The following LPAR1 variants were observed in gnomAD, a reference collection of about 807,000 sequenced individuals.
LPAR1 encodes LPA receptor 1.
A neutral mutation model predicts 23.8 loss-of-function variants in LPAR1; 5 were observed. The observed-to-expected ratio is 0.21, with a 90% CI of 0.11 to 0.44. The LOEUF (loss-of-function observed/expected upper bound fraction) is 0.44, where lower values mean the gene tolerates loss of function less well. Ranked by LOEUF, LPAR1 falls within the 20% of genes least tolerant of loss-of-function variation. LPAR1 has a pLI of 0.99. For missense variants in LPAR1, 311 were observed against 482.8 expected, an observed-to-expected ratio of 0.64 and a Z score of 3.33; for synonymous variants, 160 against 164.7, an observed-to-expected ratio of 0.97 and a Z score of 0.22.
chr9:110,891,425 C>A (rs569787346), intron 5 of LPAR1, among the ~76,000 whole-genome samples: 22 of 152,070 alleles, frequency 1.4e-4, no homozygotes, highest in Non-Finnish European at 2.2e-4. Context: ...GTATATTAAA[C>A]GCATTTGTGG....
intron 2 of LPAR1, among the ~76,000 whole-genome samples, chr9:110,994,287 GA>G (rs1333367937): frequency 1.3e-5 from 2 of 152,068 alleles, no homozygotes; most frequent in African/African-American, 2.4e-5. Context: ...TAAAAGCCAA[GA>G]AAAAAGTTAG....
intron 5 of LPAR1, among the ~76,000 whole-genome samples, chr9:110,921,716 CTTG>C (rs1422437312): frequency 6.6e-6 from 1 of 152,164 alleles, no homozygotes; most frequent in Non-Finnish European, 1.5e-5. Flanking sequence ...TACAGGTGGT[CTTG>C]TTGTTATAAA....
At chr9:110,981,010 G>A (rs374024640) in intron 2 of LPAR1, among the ~76,000 whole-genome samples, 26 of 151,998 alleles carry the variant, frequency 1.7e-4, no homozygotes, top group African/African-American at 6.3e-4. Context: ...TAATACATAT[G>A]CTGTAAGTAA....
intron 2 of LPAR1, among the ~76,000 whole-genome samples, chr9:111,032,760 C>T (rs1384785681): frequency 6.6e-6 from 1 of 152,114 alleles, no homozygotes; most frequent in Non-Finnish European, 1.5e-5. Context: ...GGGAAACTTG[C>T]TATAACAGGA....
chr9:110,949,995 C>T (rs2095518490), intron 4 of LPAR1, among the ~76,000 whole-genome samples: 1 of 152,154 alleles, frequency 6.6e-6, no homozygotes, highest in African/African-American at 2.4e-5. Context: ...ATTTTTAATA[C>T]ACTTTCATGA....
chr9:110,996,061 C>A (rs962597802), intron 2 of LPAR1, among the ~76,000 whole-genome samples: 2 of 152,092 alleles, frequency 1.3e-5, no homozygotes, highest in Middle Eastern at 3.2e-3. Flanking sequence ...AACCGGAGAC[C>A]TAAAAACAGC....
At chr9:110,967,801 T>C (rs545911796) in intron 4 of LPAR1, among the ~76,000 whole-genome samples, 1 of 152,330 alleles carries the variant, frequency 6.6e-6, no homozygotes, top group South Asian at 2.1e-4. Context: ...AATTTCACTG[T>C]ACAAATTACA....
intron 5 of LPAR1, among the ~76,000 whole-genome samples, chr9:110,920,166 T>C (rs777779873): frequency 1.3e-4 from 20 of 152,188 alleles, no homozygotes; most frequent in Non-Finnish European, 1.9e-4. Context: ...TTCCATGCCA[T>C]TGTGCCCAGA....
At chr9:110,897,179 C>T (rs2086703669) in intron 5 of LPAR1, among the ~76,000 whole-genome samples, 1 of 152,144 alleles carries the variant, frequency 6.6e-6, no homozygotes, top group African/African-American at 2.4e-5. Flanking sequence ...TTGCAGCTCC[C>T]ATAATTCCCA....
In LPAR1 at chr9:110,873,871, G is replaced by A. The variant is rs1404487478; in HGVS notation, c.*1550C>T. ...GTGGCTACCAAGAGCTGGATAACGAGTCCCTCAAACAAAGTTTGGAATTGC... is the reference window on the plus strand; with the variant it reads ...GTGGCTACCAAGAGCTGGATAACGAATCCCTCAAACAAAGTTTGGAATTGC... On this transcript the variant is annotated 3_prime_UTR_variant, in exon 6 of 6. Transcript: ENST00000683809. 1 of 152,244 alleles carries A rather than the reference G, an allele frequency of 6.6e-6. No homozygotes were observed. Among genetic ancestry groups the A allele is most frequent in the Non-Finnish European group, 1.5e-5 (1 of 68,038 alleles). 9.4% of individuals were successfully genotyped at this position (152,244 alleles called of 1,614,324 possible). A position where few individuals can be genotyped will look rare whatever the true frequency, so the allele number is the denominator to read the frequency against.
At position 110,956,667 on chromosome 9, in the gene LPAR1, C is replaced by T. The variant is rs183988271; in HGVS notation, c.46-14499G>A. 1.0e-3 allele frequency among the ~76,000 whole-genome samples: 155 copies of T among 152,044 alleles called. 1 individual carries two copies. Among genetic ancestry groups the T allele is most frequent in the Admixed American group, 2.2e-3 (33 of 15,272 alleles). On this transcript the variant is annotated intron_variant, in intron 4 of 5. Coordinates refer to ENST00000683809, the MANE Select transcript of LPAR1 (RefSeq NM_001351411.2). ...CATCAGACTATTATAAACAACTATA[C>T]GCTAGCAAACTGGAAAACCTAGAGG...
chr9:110,893,956 T>A (rs914110759), intron 5 of LPAR1, among the ~76,000 whole-genome samples: 3 of 152,198 alleles, frequency 2.0e-5, no homozygotes, highest in Non-Finnish European at 4.4e-5. Flanking sequence ...TAACCAACCC[T>A]AAATTATTAC....
At chr9:110,893,228 C>T (rs2085124481) in intron 5 of LPAR1, among the ~76,000 whole-genome samples, 1 of 152,076 alleles carries the variant, frequency 6.6e-6, no homozygotes, top group African/African-American at 2.4e-5. Context: ...CCTCTTTTAC[C>T]TAACAATTCC....
chr9:110,966,235 C>T (rs565189268), intron 4 of LPAR1, among the ~76,000 whole-genome samples: 2 of 152,244 alleles, frequency 1.3e-5, no homozygotes, highest in East Asian at 3.9e-4. Flanking sequence ...AATCTCAGCA[C>T]TTTGGCAGGC....
intron 5 of LPAR1, among the ~76,000 whole-genome samples, chr9:110,905,595 C>T (rs1379981180): frequency 2.0e-5 from 3 of 151,910 alleles, no homozygotes; most frequent in Non-Finnish European, 2.9e-5. Context: ...CCTCATGATC[C>T]GCCCACCTCG....
chr9:110,993,471 A>G (rs1385007702), intron 2 of LPAR1, among the ~76,000 whole-genome samples: 1 of 152,146 alleles, frequency 6.6e-6, no homozygotes, highest in Non-Finnish European at 1.5e-5. Flanking sequence ...GGGCAGCCCA[A>G]CGCAGAGTGT....
intron 5 of LPAR1, among the ~76,000 whole-genome samples, chr9:110,917,183 C>CAA (rs72090804): frequency 0.03 from 3,629 of 122,788 alleles, 158 homozygotes; most frequent in African/African-American, 0.095. Context: ...ACTAAAAATA[C>CAA]AAAAAAAAAA....
chr9:110,966,374 G>A (rs1322494106), intron 4 of LPAR1, among the ~76,000 whole-genome samples: 5 of 151,870 alleles, frequency 3.3e-5, no homozygotes, highest in Non-Finnish European at 7.4e-5. Context: ...AGCTACTCAG[G>A]AGGCTGAGGC....
chr9:111,026,891 T>C (rs2141337149), intron 2 of LPAR1, among the ~76,000 whole-genome samples: 1 of 152,290 alleles, frequency 6.6e-6, no homozygotes, highest in African/African-American at 2.4e-5. Flanking sequence ...TTGATTGTGG[T>C]GGATAAGCTT....
Sources: gnomAD v4.1 joint callset for allele counts (sites outside exome capture counted in the v4.1 genomes callset) on GRCh38, gnomAD v4.1.1 for gene constraint, MANE v1.5 for transcripts, NCBI Gene and HGNC (gene_info 2026-07-23, HGNC 2026-07-21) for gene names.